PTPRO: variants seen among roughly 807,000 people sequenced by gnomAD.
PTPRO encodes protein tyrosine phosphatase receptor type O.
Under a neutral mutation model 145.2 loss-of-function variants are expected in PTPRO, and 62 were observed. That is an observed-to-expected ratio of 0.43 (90% CI 0.35 to 0.53). PTPRO has a LOEUF of 0.53. PTPRO is among the 20% of genes least tolerant of loss of function. The pLI is 0.01. For missense variants in PTPRO, 1,345 were observed against 1,482.7 expected (o/e 0.91, Z 1.53); for synonymous variants, 565 against 514.7 (o/e 1.10, Z -1.32).
chr12:15,553,001 T>C (rs1943511126), intron 15 of PTPRO, among the ~76,000 whole-genome samples: 2 of 151,902 alleles, frequency 1.3e-5, no homozygotes, highest in Non-Finnish European at 2.9e-5. Flanking sequence ...GGTTTCACCA[T>C]GTTGGCCAGG....
chr12:15,438,805 A>G (rs897776060), intron 1 of PTPRO, among the ~76,000 whole-genome samples: 1 of 152,236 alleles, frequency 6.6e-6, no homozygotes, highest in Non-Finnish European at 1.5e-5. Flanking sequence ...TTCAAGTAAC[A>G]TGCCTAATCT....
intron 1 of PTPRO, among the ~76,000 whole-genome samples, chr12:15,438,752 A>G (rs572498758): frequency 2.6e-4 from 39 of 152,280 alleles, no homozygotes; most frequent in Non-Finnish European, 4.7e-4. Flanking sequence ...CTGAGAGAGA[A>G]GGAAAAAAAC....
rs752649417 is a variant in PTPRO at position 15,589,598 on chromosome 12, CA to C, written c.3546+9del. On this transcript the variant is annotated intron_variant, in intron 25 of 26. Transcript: ENST00000281171. ...TCTATGGTACAGACAGAGGTAGGAACATAATCTATATGTATTTTTAAATTTT... is the reference window on the plus strand; with the variant it reads ...TCTATGGTACAGACAGAGGTAGGAACTAATCTATATGTATTTTTAAATTTT... The C allele has an allele frequency of 6.2e-7, 1 of 1,613,832 alleles. No homozygotes were observed. The highest frequency in any genetic ancestry group is 8.5e-7 in the Non-Finnish European group (1 of 1,179,856).
intron 1 of PTPRO, among the ~76,000 whole-genome samples, chr12:15,403,364 C>A (rs1327764502): frequency 1.3e-5 from 2 of 151,994 alleles, no homozygotes; most frequent in Non-Finnish European, 1.5e-5. Flanking sequence ...GGATGGATCA[C>A]CTGAGGTCAG....
chr12:15,417,658 A>C (rs1940019885), intron 1 of PTPRO, among the ~76,000 whole-genome samples: 1 of 151,692 alleles, frequency 6.6e-6, no homozygotes, highest in Non-Finnish European at 1.5e-5. Context: ...AAGCTACTCT[A>C]ATGAGTACGC....
chr12:15,557,595 A>G (rs1352143187), intron 16 of PTPRO, 72 bp downstream of exon 16: 7 of 1,359,988 alleles, frequency 5.1e-6, no homozygotes, highest in Non-Finnish European at 7.4e-6. Context: ...CGATTTTACT[A>G]TCCTTTGGGG....
chr12:15,381,324 G>A (rs1938855091), intron 1 of PTPRO, among the ~76,000 whole-genome samples: 1 of 152,006 alleles, frequency 6.6e-6, no homozygotes, highest in South Asian at 2.1e-4. Flanking sequence ...ATTGATATTG[G>A]GGCTTAATAA....
At chr12:15,389,463 C>T (rs1423496893) in intron 1 of PTPRO, among the ~76,000 whole-genome samples, 1 of 152,068 alleles carries the variant, frequency 6.6e-6, no homozygotes, top group Non-Finnish European at 1.5e-5. Flanking sequence ...GAATAGTACA[C>T]TGAATGTGAA....
At chr12:15,477,386 G>T (rs1386759134) in intron 1 of PTPRO, among the ~76,000 whole-genome samples, 2 of 146,554 alleles carry the variant, frequency 1.4e-5, no homozygotes, top group Non-Finnish European at 3.0e-5. Flanking sequence ...AGCATTGGGA[G>T]ATATACCTAA....
intron 1 of PTPRO, among the ~76,000 whole-genome samples, chr12:15,459,709 C>T (rs1368431995): frequency 6.6e-6 from 1 of 152,222 alleles, no homozygotes. Flanking sequence ...TTACTGTCCT[C>T]TAATTCTTGA....
intron 9 of PTPRO, among the ~76,000 whole-genome samples, chr12:15,518,176 G>T (rs866323785): frequency 5.9e-5 from 9 of 152,190 alleles, no homozygotes; most frequent in Non-Finnish European, 1.0e-4. Context: ...TCAACACCAC[G>T]TGGAAGCTGC....
chr12:15,453,796 T>C (rs1297937725), intron 1 of PTPRO, among the ~76,000 whole-genome samples: 2 of 152,156 alleles, frequency 1.3e-5, no homozygotes, highest in African/African-American at 4.8e-5. Flanking sequence ...TGTTTGACTG[T>C]TTTAGATACC....
intron 1 of PTPRO, among the ~76,000 whole-genome samples, chr12:15,436,391 A>G (rs1940595533): frequency 6.6e-6 from 1 of 152,252 alleles, no homozygotes; most frequent in Admixed American, 6.5e-5. Context: ...TATTACATAA[A>G]AAACAAACAT....
chr12:15,388,664 T>G (rs919585336), intron 1 of PTPRO, among the ~76,000 whole-genome samples: 1 of 152,228 alleles, frequency 6.6e-6, no homozygotes, highest in South Asian at 2.1e-4. Context: ...GCATGTCCAA[T>G]TTTAATGTAA....
chr12:15,467,409 AGT>A lies in PTPRO; in HGVS notation c.76-16544_76-16543del, dbSNP rs71042254. Among the ~76,000 whole-genome samples, 120 of 149,968 alleles carry A rather than the reference AGT, an allele frequency of 8.0e-4. 2 individuals carry two copies. The highest frequency in any genetic ancestry group is 2.4e-3 in the African/African-American group (97 of 40,910). On this transcript the variant is annotated intron_variant, in intron 1 of 26. Coordinates refer to ENST00000281171, the MANE Select transcript of PTPRO (RefSeq NM_030667.3). ...CTTTTATGGTAGTGAGGTAGGGGTG[AGT>A]GTGTGTGTGTGTGTGTGTGTATGTG...
At chr12:15,518,261 C>G (rs924676484) in intron 9 of PTPRO, among the ~76,000 whole-genome samples, 1 of 152,188 alleles carries the variant, frequency 6.6e-6, no homozygotes, top group Middle Eastern at 3.2e-3. Context: ...CACCTGATCT[C>G]TACGTTGGCC....
intron 1 of PTPRO, among the ~76,000 whole-genome samples, chr12:15,374,506 T>TA (rs1938622655): frequency 6.6e-6 from 1 of 152,110 alleles, no homozygotes; most frequent in Non-Finnish European, 1.5e-5. Context: ...TGAGTAGCCT[T>TA]AAAAAACAAC....
At chr12:15,587,742 G>C (rs778070024) in intron 24 of PTPRO, among the ~76,000 whole-genome samples, 13 of 152,180 alleles carry the variant, frequency 8.5e-5, no homozygotes, top group Non-Finnish European at 5.9e-5. Flanking sequence ...ATACAATATT[G>C]CTGTAAAATC....
intron 13 of PTPRO, among the ~76,000 whole-genome samples, chr12:15,547,125 T>C (rs1943314312): frequency 6.6e-6 from 1 of 152,162 alleles, no homozygotes; most frequent in African/African-American, 2.4e-5. Flanking sequence ...ATTGCATAAG[T>C]ATAGAAAAAA....
Sources: allele counts gnomAD v4.1 joint callset (sites outside exome capture counted in the v4.1 genomes callset), GRCh38; gene constraint gnomAD v4.1.1; transcripts MANE v1.5; gene names NCBI Gene and HGNC (gene_info 2026-07-23, HGNC 2026-07-21).